The following B4GALT6 variants were observed in gnomAD, a reference collection of about 807,000 sequenced individuals.
B4GALT6 encodes beta-1,4-galactosyltransferase 6, also known as UDP-Gal:beta-GlcNAc beta-1,4-galactosyltransferase 6.
B4GALT6 carries 14 observed loss-of-function variants against 46.3 expected under a neutral mutation model. That is an observed-to-expected ratio of 0.30 (90% CI 0.20 to 0.47). The LOEUF (loss-of-function observed/expected upper bound fraction) is 0.47. B4GALT6 is among the 20% of genes least tolerant of loss of function. The pLI, the probability that B4GALT6 is intolerant of heterozygous loss-of-function variation, is 0.99. For missense variants in B4GALT6, 386 were observed against 480.1 expected (o/e 0.80, Z 1.83); for synonymous variants, 168 against 162.0 (o/e 1.04, Z -0.28).
chr18:31,707,885 T>C, the B4GALT6 span, among the ~76,000 whole-genome samples: 1 of 152,366 alleles, frequency 6.6e-6, no homozygotes, highest in Admixed American at 6.5e-5. Context: ...GTATATGTTA[T>C]GTGATATATA....
the B4GALT6 span, among the ~76,000 whole-genome samples, chr18:31,708,025 T>C: frequency 6.6e-6 from 1 of 152,200 alleles, no homozygotes; most frequent in Non-Finnish European, 1.5e-5. Context: ...TGCATAGTAT[T>C]CCTTTGCATG....
chr18:31,629,918 T>C (rs1185329899), intron 6 of B4GALT6, among the ~76,000 whole-genome samples: 1 of 148,006 alleles, frequency 6.8e-6, no homozygotes, highest in Non-Finnish European at 1.5e-5. Context: ...GGTAACCCCA[T>C]ACTCAAAGTT....
In B4GALT6 at chr18:31,635,693, C is replaced by T. The variant is rs1010671838; in HGVS notation, c.588+2951G>A. Among the ~76,000 whole-genome samples the T allele has an allele frequency of 2.0e-5, 3 of 152,160 alleles. No homozygotes were observed. The East Asian group carries it at 5.8e-4, about 29-fold the overall frequency. On this transcript the variant is annotated intron_variant, in intron 5 of 8. Coordinates refer to ENST00000306851, the MANE Select transcript of B4GALT6 (RefSeq NM_004775.5). The stretch of plus-strand genomic sequence containing the variant: ...ATAAGCCAGGCATGATGGTGGGTGC[C>T]TGTAATTCCAGCTACTCGAGAGGCT...
upstream of B4GALT6, chr18:31,684,843 A>C: frequency 1.1e-6 from 1 of 884,422 alleles, no homozygotes. Flanking sequence ...TAACTGCAGC[A>C]CGCCCGGCTC....
the B4GALT6 span, among the ~76,000 whole-genome samples, chr18:31,709,898 G>A: frequency 1.3e-5 from 2 of 151,932 alleles, no homozygotes; most frequent in Admixed American, 6.6e-5. Flanking sequence ...TTCAAGACCA[G>A]CCTGGACAAC....
chr18:31,691,886 T>G, the B4GALT6 span, among the ~76,000 whole-genome samples: 1 of 152,016 alleles, frequency 6.6e-6, no homozygotes, highest in Non-Finnish European at 1.5e-5. Context: ...CTGTAAAAAA[T>G]AAGAAGTTTA....
chr18:31,694,372 A>G, the B4GALT6 span, among the ~76,000 whole-genome samples: 1 of 152,322 alleles, frequency 6.6e-6, no homozygotes, highest in African/African-American at 2.4e-5. Context: ...TGGAAGTACT[A>G]CTGCTTGCAT....
At chr18:31,627,796 C>T (rs888260173) in intron 6 of B4GALT6, among the ~76,000 whole-genome samples, 9 of 152,160 alleles carry the variant, frequency 5.9e-5, no homozygotes, top group African/African-American at 2.2e-4. Context: ...CTTTTCTAAA[C>T]TATATTTTTA....
At chr18:31,656,843 A>G (rs1051110039) in intron 3 of B4GALT6, among the ~76,000 whole-genome samples, 1 of 152,176 alleles carries the variant, frequency 6.6e-6, no homozygotes, top group African/African-American at 2.4e-5. Flanking sequence ...ATACCAACAC[A>G]CAATAACCAA....
chr18:31,687,983 G>A (rs774612829), upstream of B4GALT6, among the ~76,000 whole-genome samples: 4 of 148,976 alleles, frequency 2.7e-5, no homozygotes, highest in South Asian at 8.3e-4. Flanking sequence ...CAGTGAATTG[G>A]GGGGAAGAAA....
At chr18:31,650,773 G>A (rs1393587359) in intron 3 of B4GALT6, among the ~76,000 whole-genome samples, 2 of 152,164 alleles carry the variant, frequency 1.3e-5, no homozygotes, top group Non-Finnish European at 2.9e-5. Context: ...AGGTATCCCA[G>A]CTGCATTTTT....
At chr18:31,674,464 A>G (rs2074393612) in intron 1 of B4GALT6, among the ~76,000 whole-genome samples, 1 of 152,208 alleles carries the variant, frequency 6.6e-6, no homozygotes, top group South Asian at 2.1e-4. Context: ...CAGAAGAGAA[A>G]ATGATTTCCC....
the B4GALT6 span, among the ~76,000 whole-genome samples, chr18:31,709,764 C>G: frequency 6.6e-6 from 1 of 151,866 alleles, no homozygotes; most frequent in African/African-American, 2.4e-5. Context: ...GGCTCAAACT[C>G]AAAGACTGTA....
At chr18:31,662,586 T>C (rs2074231933) in intron 2 of B4GALT6, among the ~76,000 whole-genome samples, 1 of 152,222 alleles carries the variant, frequency 6.6e-6, no homozygotes, top group African/African-American at 2.4e-5. Context: ...CTCATGCCTG[T>C]AATCCCAGCA....
the B4GALT6 span, among the ~76,000 whole-genome samples, chr18:31,721,811 G>A: frequency 1.3e-5 from 2 of 152,082 alleles, no homozygotes; most frequent in South Asian, 2.1e-4. Flanking sequence ...CTGCCTTACA[G>A]ATTTCAGATT....
At chr18:31,658,868 C>T (rs1344447246) in intron 2 of B4GALT6, among the ~76,000 whole-genome samples, 1 of 152,134 alleles carries the variant, frequency 6.6e-6, no homozygotes, top group East Asian at 1.9e-4. Flanking sequence ...ATAGAAATAG[C>T]TAATAACTGT....
At chr18:31,668,469 G>C (rs1020488942) in intron 1 of B4GALT6, among the ~76,000 whole-genome samples, 4 of 152,046 alleles carry the variant, frequency 2.6e-5, no homozygotes, top group Non-Finnish European at 5.9e-5. Context: ...AATAAAAGTT[G>C]AAATTATTTA....
At chr18:31,684,841 G>GCACGCCCGGCTCCGCTGCC (rs1460893990), upstream of B4GALT6, 17 of 889,346 alleles carry the variant, frequency 1.9e-5, no homozygotes, top group Admixed American at 6.1e-5. Flanking sequence ...GCTAACTGCA[G>GCACGCCCGGCTCCGCTGCC]CACGCCCGGC....
Position 31,638,631 on chromosome 18 carries a change from A to C in B4GALT6, c.588+13T>G, listed in dbSNP as rs2073892359. ...CTAGTATACTTAGTGACCACTATGA[A>C]AAGTATTCTCACCTGTTCAATGACA... On this transcript the variant is annotated intron_variant, in intron 5 of 8. Transcript: ENST00000306851. 6.3e-7 allele frequency: 1 copy of C among 1,577,544 alleles called. No homozygotes were observed. The highest frequency in any genetic ancestry group is 1.1e-5 in the South Asian group (1 of 90,300).
Sources: gnomAD v4.1 joint callset for allele counts (sites outside exome capture counted in the v4.1 genomes callset) on GRCh38, gnomAD v4.1.1 for gene constraint, MANE v1.5 for transcripts, NCBI Gene and HGNC (gene_info 2026-07-23, HGNC 2026-07-21) for gene names.